The following PPP1CA variants were observed in gnomAD, a reference collection of about 807,000 sequenced individuals.
PPP1CA encodes protein phosphatase 1 catalytic subunit alpha.
In PPP1CA, 14 loss-of-function variants were observed where a neutral mutation model predicts 38.5. The ratio of observed to expected loss-of-function variants is 0.36; its 90% CI spans 0.24 to 0.57. The LOEUF is 0.57. Ranked by LOEUF, PPP1CA falls within the 20% of genes least tolerant of loss-of-function variation. The probability of loss-of-function intolerance (pLI) is 0.80; values close to 1 mark genes in which losing one functional copy is unlikely to be tolerated. For missense variants in PPP1CA, 277 were observed against 435.2 expected, an observed-to-expected ratio of 0.64 and a Z score of 3.23; for synonymous variants, 200 against 177.3, an observed-to-expected ratio of 1.13 and a Z score of -1.02.
In PPP1CA at chr11:67,398,320, T is replaced by C. The variant is rs953869586; in HGVS notation, c.*215A>G. The C allele has an allele frequency of 1.7e-5, 10 of 583,572 alleles. No homozygotes were observed. The highest frequency in any genetic ancestry group is 1.7e-4 in the African/African-American group (9 of 53,458). 36.1% of individuals were successfully genotyped at this position (583,572 alleles called of 1,614,324 possible). ...CTGAGCTGCAGCCTCGGCCCCAGGA[T>C]CCTGCTCACAGTCACCGCAGGTGCA... On this transcript the variant is annotated 3_prime_UTR_variant, in exon 7 of 7. Coordinates refer to ENST00000376745, the MANE Select transcript of PPP1CA (RefSeq NM_002708.4).
intron 3 of PPP1CA, among the ~76,000 whole-genome samples, chr11:67,400,008 A>G (rs548424769): frequency 7.2e-5 from 11 of 152,274 alleles, no homozygotes; most frequent in African/African-American, 2.6e-4. Context: ...GTGGTGGCGC[A>G]TGCCTGTAAT....
chr11:67,401,817 C>G lies in PPP1CA; in HGVS notation c.-35G>C, dbSNP rs753835869. ...GCCGCTCCAGCCCAGCAGCTCCTGG[C>G]CCGCTCCTGCCTCCCGCCCTCCGGC... On this transcript the variant is annotated 5_prime_UTR_variant, in exon 1 of 7. Coordinates refer to ENST00000376745, the MANE Select transcript of PPP1CA (RefSeq NM_002708.4). 7.1e-5 allele frequency: 99 copies of G among 1,399,730 alleles called. No homozygotes were observed. Among genetic ancestry groups the G allele is most frequent in the Non-Finnish European group, 9.3e-5 (99 of 1,065,272 alleles). 86.7% of individuals were successfully genotyped at this position (1,399,730 alleles called of 1,614,324 possible). A position where few individuals can be genotyped will look rare whatever the true frequency, so the allele number is the denominator to read the frequency against.
At chr11:67,400,050 T>C (rs1256703870) in intron 3 of PPP1CA, among the ~76,000 whole-genome samples, 2 of 152,128 alleles carry the variant, frequency 1.3e-5, no homozygotes, top group Non-Finnish European at 2.9e-5. Flanking sequence ...GGCAGGAGAA[T>C]CGCTTGAACC....
intron 4 of PPP1CA, 127 bp downstream of exon 4, chr11:67,399,434 C>T: frequency 3.5e-6 from 3 of 848,116 alleles, no homozygotes; most frequent in Middle Eastern, 2.8e-4. Flanking sequence ...GTGAGTGCAG[C>T]CCAGCACAGT....
At position 67,399,936 on chromosome 11, in the gene PPP1CA, G is replaced by C. The variant is rs1862844470; in HGVS notation, c.419-271C>G. Among the ~76,000 whole-genome samples, 2 of 152,196 alleles carry C rather than the reference G, an allele frequency of 1.3e-5. 1 individual carries two copies. Among genetic ancestry groups the C allele is most frequent in the South Asian group, 4.1e-4 (2 of 4,834 alleles). On this transcript the variant is annotated intron_variant, in intron 3 of 6. Coordinates refer to ENST00000376745, the MANE Select transcript of PPP1CA (RefSeq NM_002708.4). ...GGATCACCTGAGGTCAGAAGTTCGA[G>C]ACCAGCCTGACCAACATGGAGAAAC...
chr11:67,399,448 G>T, intron 4 of PPP1CA, 113 bp downstream of exon 4: 1 of 932,740 alleles, frequency 1.1e-6, no homozygotes, highest in South Asian at 1.5e-5. Flanking sequence ...GCACAGTGGG[G>T]TATGGGGGAC....
intron 3 of PPP1CA, among the ~76,000 whole-genome samples, chr11:67,400,242 C>T (rs973635904): frequency 2.0e-5 from 3 of 152,204 alleles, no homozygotes; most frequent in African/African-American, 4.8e-5. Flanking sequence ...GGGATCTTCC[C>T]GCCTCGGCCT....
intron 4 of PPP1CA, 148 bp from the exon 5 acceptor site, chr11:67,399,311 C>A: frequency 1.2e-6 from 1 of 808,768 alleles, no homozygotes; most frequent in Non-Finnish European, 2.0e-6. Flanking sequence ...ATCCCCTTCC[C>A]CTCAGCTTTT....
chr11:67,400,583 C>G (rs768855356), intron 3 of PPP1CA, 106 bp downstream of exon 3: 27 of 1,136,704 alleles, frequency 2.4e-5, no homozygotes, highest in Non-Finnish European at 3.4e-5. Context: ...GTGGAGCGCA[C>G]AGTCTATCAA....
chr11:67,401,646 C>CG, intron 1 of PPP1CA, 82 bp downstream of exon 1: 3 of 1,185,260 alleles, frequency 2.5e-6, no homozygotes, highest in East Asian at 3.5e-5. Flanking sequence ...AAGCTGGCCC[C>CG]GGGGGCCCGC....
At position 67,399,549 on chromosome 11, in the gene PPP1CA, C is replaced by G; in HGVS notation, c.523+12G>C. The stretch of plus-strand genomic sequence containing the variant: ...GCCAGTGCTCCTCCTCCCCAGCCAT[C>G]CCCTCCCTCACCTCCGTGGCAGCAG... On this transcript the variant is annotated intron_variant, in intron 4 of 6. Coordinates refer to ENST00000376745, the MANE Select transcript of PPP1CA (RefSeq NM_002708.4). 1.2e-6 allele frequency: 2 copies of G among 1,612,824 alleles called. No individual in the cohort carries two copies. Among genetic ancestry groups the G allele is most frequent in the South Asian group, 2.2e-5 (2 of 91,058 alleles).
Position 67,398,390 on chromosome 11 carries a change from T to TA in PPP1CA, c.*144dup, listed in dbSNP as rs1163294472. On this transcript the variant is annotated 3_prime_UTR_variant, in exon 7 of 7. Coordinates refer to ENST00000376745, the MANE Select transcript of PPP1CA (RefSeq NM_002708.4). ...GGACTGGACGCTGCTATTGATTCAT[T>TA]AAAAAAAGAAAAGAAAAATACACCA... 2.3e-5 allele frequency: 19 copies of TA among 827,150 alleles called. No homozygotes were observed. The highest frequency in any genetic ancestry group is 2.2e-4 in the African/African-American group (13 of 57,922). 51.2% of individuals were successfully genotyped at this position (827,150 alleles called of 1,614,324 possible). A position where few individuals can be genotyped will look rare whatever the true frequency, so the allele number is the denominator to read the frequency against.
rs1473710985 is a variant in PPP1CA at position 67,400,770 on chromosome 11, T to C, written c.337A>G (p.Lys113Glu). ...AGCAGGAAGAAGTTCTCGGGGTACT[T>C]GATCTTATAGGCCAGCAGCAGGCAG... Reference protein sequence around the residue: ...TICLLLAYKIKYPENFFLLRG... With the variant: ...TICLLLAYKIEYPENFFLLRG... The change falls in exon 3 of 7, where the codon AAG (lysine) becomes GAG (glutamate). Residue 113 changes from lysine to glutamate, a missense_variant. This residue lies in a region of PPP1CA where 180 missense variants were observed against 356.7 expected (regional missense o/e 0.50). Transcript: ENST00000376745. The C allele has an allele frequency of 1.2e-6, 2 of 1,613,946 alleles. No homozygotes were observed. The highest frequency in any genetic ancestry group is 1.7e-6 in the Non-Finnish European group (2 of 1,180,030).
chr11:67,398,536 TA>T lies in PPP1CA; in HGVS notation c.991del (p.Ter331SerfsTer53). 2 of 1,613,740 alleles carry T rather than the reference TA, an allele frequency of 1.2e-6. No homozygotes were observed. Among genetic ancestry groups the T allele is most frequent in the Non-Finnish European group, 8.5e-7 (1 of 1,179,760 alleles). ...GGGGCACAGGGTGGTGTGCGGGGGCTATTTCTTGGCTTTGGCGGAATTGCGG... is the reference window on the plus strand; with the variant it reads ...GGGGCACAGGGTGGTGTGCGGGGGCTTTTCTTGGCTTTGGCGGAATTGCGG... ...PPRNSAKAKK[*>X] On this transcript the variant is annotated frameshift_variant and stop_lost, in exon 7 of 7. Transcript: ENST00000376745. LOFTEE classifies it high-confidence loss of function.
rs367570914 is a variant in PPP1CA, at chr11:67,399,737, C to T, written c.419-72G>A. 1.8e-3 allele frequency: 2,277 copies of T among 1,298,178 alleles called. 49 individuals carry two copies. In the South Asian group the frequency reaches 0.025, roughly 14 times the overall value. 80.4% of individuals were successfully genotyped at this position (1,298,178 alleles called of 1,614,324 possible). The stretch of plus-strand genomic sequence containing the variant: ...AGCCAGGGTCCCTGGGCTATTCAGC[C>T]GTGGCTGGGAGGAGAGAGTCAGGCA... On this transcript the variant is annotated intron_variant, in intron 3 of 6. Transcript: ENST00000376745.
chr11:67,401,194 C>T lies in PPP1CA; in HGVS notation c.61G>A (p.Gly21Ser). The T allele has an allele frequency of 6.2e-7, 1 of 1,613,824 alleles. No homozygotes were observed. Among genetic ancestry groups the T allele is most frequent in the African/African-American group, 1.3e-5 (1 of 75,046 alleles). ...SIIGRLLEVQ[G>S]SRPGKNVQLT... ...TGTACATTCTTGCCAGGCCGCGAGC[C>T]CTGCACTGGGGCGCAATGGGGTGTC... Residue 21 changes from glycine (G) to serine (S), a missense_variant, in exon 2 of 7, where the codon GGC (glycine) becomes AGC (serine). By Grantham distance (56) the Gly-to-Ser change is moderately conservative. Coordinates refer to ENST00000376745, the MANE Select transcript of PPP1CA (RefSeq NM_002708.4).
chr11:67,400,964 T>C, intron 2 of PPP1CA, 45 bp from the exon 3 acceptor site: 3 of 1,610,278 alleles, frequency 1.9e-6, no homozygotes, highest in Non-Finnish European at 2.5e-6. Flanking sequence ...GGTCTAGACC[T>C]GAACCCAGGG....
Position 67,398,711 on chromosome 11 carries a change from C to T in PPP1CA, c.882+11G>A. 5 of 1,613,366 alleles carry T rather than the reference C, an allele frequency of 3.1e-6. No individual in the cohort carries two copies. In the South Asian group the frequency reaches 3.3e-5, roughly 11 times the overall value. ...ACAGGGCCTAGCGGCTCCTTTCTTC[C>T]CCACACTCACCTGGAAAGAGCACAT... On this transcript the variant is annotated intron_variant, in intron 6 of 6. Coordinates refer to ENST00000376745, the MANE Select transcript of PPP1CA (RefSeq NM_002708.4).
intron 6 of PPP1CA, 37 bp downstream of exon 6, chr11:67,398,685 C>T (rs1862803929): frequency 6.2e-7 from 1 of 1,613,140 alleles, no homozygotes; most frequent in African/African-American, 1.3e-5. Context: ...GGGGCTGAGC[C>T]ACAGGGCCTA....
Sources: allele counts gnomAD v4.1 joint callset (sites outside exome capture counted in the v4.1 genomes callset), GRCh38; gene constraint gnomAD v4.1.1; regional missense constraint gnomAD v4.1.1; transcripts MANE v1.5; gene names NCBI Gene and HGNC (gene_info 2026-07-23, HGNC 2026-07-21).